Variants in SUSD4 observed in about 807,000 individuals in gnomAD.
SUSD4 encodes the protein sushi domain containing 4.
In SUSD4, 41 loss-of-function variants were observed where a neutral mutation model predicts 50.5. That is an observed-to-expected ratio of 0.81 (90% CI 0.63 to 1.05). The LOEUF (loss-of-function observed/expected upper bound fraction) is 1.05, where lower values mean the gene tolerates loss of function less well. Ranked by LOEUF, SUSD4 falls within the 50% of genes least tolerant of loss-of-function variation. The probability of loss-of-function intolerance (pLI) is 0.00; values close to 1 mark genes in which losing one functional copy is unlikely to be tolerated. For missense variants in SUSD4, 580 were observed against 634.7 expected (o/e 0.91, Z 0.93); for synonymous variants, 257 against 257.3 (o/e 1.00, Z 0.01).
intron 7 of SUSD4, 123 bp from the exon 8 acceptor site, chr1:223,223,754 A>C: frequency 1.7e-6 from 2 of 1,205,800 alleles, no homozygotes; most frequent in Non-Finnish European, 2.2e-6. Flanking sequence ...TCCCGTATGG[A>C]GGATAATATG....
chr1:223,363,640 GCACTGAGTAA>G (rs1452853844), intron 1 of SUSD4, 180 bp from the exon 2 acceptor site: 3 of 671,108 alleles, frequency 4.5e-6, no homozygotes, highest in Non-Finnish European at 7.1e-6. Context: ...CGAGCCGGGT[GCACTGAGTAA>G]CAGCCGCCGT....
rs113874231 is a variant in SUSD4, at chr1:223,301,326, A to C, written c.149-8675T>G. ...CAGGGATCCTGACTTGTCACTTAAA[A>C]CATCCCAGAATCCAGGCAGTCAGTT... On this transcript the variant is annotated intron_variant, in intron 2 of 8. Transcript: ENST00000366878. Among the ~76,000 whole-genome samples, 513 of 152,290 alleles carry C rather than the reference A, an allele frequency of 3.4e-3. 2 individuals carry two copies. Among genetic ancestry groups the C allele is most frequent in the African/African-American group, 0.011 (464 of 41,558 alleles).
intron 5 of SUSD4, among the ~76,000 whole-genome samples, chr1:223,247,691 A>C (rs1389128605): frequency 6.6e-6 from 1 of 152,142 alleles, no homozygotes; most frequent in Admixed American, 6.5e-5. Context: ...ATAATGAGTT[A>C]AGCCACTGGT....
intron 2 of SUSD4, among the ~76,000 whole-genome samples, chr1:223,336,403 C>A (rs1667458865): frequency 2.6e-5 from 4 of 152,096 alleles, no homozygotes; most frequent in Admixed American, 2.6e-4. Flanking sequence ...TTTTATAAAT[C>A]AAAAAATATC....
At chr1:223,336,048 G>C (rs1180726891) in intron 2 of SUSD4, among the ~76,000 whole-genome samples, 1 of 151,860 alleles carries the variant, frequency 6.6e-6, no homozygotes, top group African/African-American at 2.4e-5. Flanking sequence ...TAGACTTTTT[G>C]GCCCAGGAGT....
In SUSD4 at chr1:223,264,794, G is replaced by A. The variant is rs1404424736; in HGVS notation, c.560C>T (p.Ser187Phe). 2 of 1,614,160 alleles carry A rather than the reference G, an allele frequency of 1.2e-6. No homozygotes were observed. The highest frequency in any genetic ancestry group is 2.2e-5 in the South Asian group (2 of 91,066). ...CQGCLRPLAS[S>F]NGYVNISELQ... The stretch of plus-strand genomic sequence containing the variant: ...CTCAGAGATGTTTACATAGCCATTA[G>A]AAGAGGCTAGAGGTCTCAGGCAGCC... Residue 187 changes from serine to phenylalanine, a missense_variant, in exon 5 of 9, where the codon TCT becomes TTT. Coordinates refer to ENST00000366878, the MANE Select transcript of SUSD4 (RefSeq NM_017982.4).
Position 223,231,264 on chromosome 1 carries a change from A to G in SUSD4, c.725-1876T>C, listed in dbSNP as rs1447510391. On this transcript the variant is annotated intron_variant, in intron 5 of 8. Coordinates refer to ENST00000366878, the MANE Select transcript of SUSD4 (RefSeq NM_017982.4). The surrounding 1 kb of genome is among the most constrained non-coding windows in gnomAD (Gnocchi z 4.2). Reference sequence around the variant, plus strand: ...GACAAAGCCAGTGGGGAGCCAGGTGACAAGGGGGTCTGGGAAACAGGGTCT... The same window carrying G: ...GACAAAGCCAGTGGGGAGCCAGGTGGCAAGGGGGTCTGGGAAACAGGGTCT... 2.0e-5 allele frequency among the ~76,000 whole-genome samples: 3 copies of G among 152,096 alleles called. No individual in the cohort carries two copies. In the East Asian group the frequency reaches 5.8e-4, roughly 29 times the overall value.
chr1:223,267,769 A>G (rs1263471856), intron 4 of SUSD4, among the ~76,000 whole-genome samples: 1 of 151,968 alleles, frequency 6.6e-6, no homozygotes, highest in Admixed American at 6.6e-5. Flanking sequence ...GTGCTTTTGG[A>G]GCAAATGAGA....
intron 2 of SUSD4, among the ~76,000 whole-genome samples, chr1:223,313,153 T>C (rs910210125): frequency 6.6e-6 from 1 of 152,246 alleles, no homozygotes; most frequent in African/African-American, 2.4e-5. Flanking sequence ...TGACTCAGGA[T>C]GGGGGCTGGC....
intron 2 of SUSD4, among the ~76,000 whole-genome samples, chr1:223,306,297 A>C (rs1210443650): frequency 7.2e-5 from 11 of 152,154 alleles, no homozygotes; most frequent in African/African-American, 2.7e-4. Flanking sequence ...AACTTCACAA[A>C]ATTCTTCCAG....
At chr1:223,270,885 A>G (rs1036311491) in intron 3 of SUSD4, among the ~76,000 whole-genome samples, 5 of 152,164 alleles carry the variant, frequency 3.3e-5, no homozygotes, top group East Asian at 1.9e-4. Flanking sequence ...CTAACTGTTC[A>G]TGTTTAACAA....
intron 3 of SUSD4, among the ~76,000 whole-genome samples, chr1:223,282,807 G>A (rs1663842139): frequency 1.3e-5 from 2 of 152,166 alleles, no homozygotes; most frequent in African/African-American, 2.4e-5. Flanking sequence ...AAAGAACAAA[G>A]CTGGAGGCAT....
chr1:223,279,813 A>AC (rs1397017805), intron 3 of SUSD4, among the ~76,000 whole-genome samples: 1 of 152,028 alleles, frequency 6.6e-6, no homozygotes, highest in African/African-American at 2.4e-5. Flanking sequence ...GAAATGAAGG[A>AC]AAAAATGTTA....
At chr1:223,266,095 C>T (rs1237569532) in intron 4 of SUSD4, among the ~76,000 whole-genome samples, 7 of 152,158 alleles carry the variant, frequency 4.6e-5, no homozygotes, top group South Asian at 4.1e-4. Flanking sequence ...CACTCACTGT[C>T]GTGGTTGGGC....
intron 2 of SUSD4, among the ~76,000 whole-genome samples, chr1:223,296,025 T>G (rs958998832): frequency 2.7e-5 from 4 of 149,740 alleles, no homozygotes; most frequent in Admixed American, 2.0e-4. Context: ...GGCACCTTTA[T>G]CAAAGGACAG....
chr1:223,266,987 G>A (rs1301446701), intron 4 of SUSD4, among the ~76,000 whole-genome samples: 1 of 152,204 alleles, frequency 6.6e-6, no homozygotes, highest in Non-Finnish European at 1.5e-5. Flanking sequence ...CCCCCTCTGT[G>A]GGACAGAGGC....
intron 2 of SUSD4, among the ~76,000 whole-genome samples, chr1:223,350,549 C>T (rs1451655735): frequency 3.9e-5 from 6 of 152,176 alleles, no homozygotes; most frequent in African/African-American, 1.4e-4. Flanking sequence ...CTGCAGCTGT[C>T]GTTGCTGCCT....
intron 2 of SUSD4, among the ~76,000 whole-genome samples, chr1:223,322,886 T>C (rs1182124767): frequency 6.6e-6 from 1 of 152,212 alleles, no homozygotes; most frequent in Non-Finnish European, 1.5e-5. Context: ...CATTCCCTTA[T>C]AATCATGCTC....
At chr1:223,268,960 C>A (rs1484513779) in intron 3 of SUSD4, among the ~76,000 whole-genome samples, 2 of 152,162 alleles carry the variant, frequency 1.3e-5, no homozygotes, top group African/African-American at 4.8e-5. Context: ...TACAGCTGAT[C>A]TTATGAACAA....
Sources: allele counts gnomAD v4.1 joint callset (sites outside exome capture counted in the v4.1 genomes callset), GRCh38; gene constraint gnomAD v4.1.1; non-coding constraint Gnocchi (gnomAD v3.1); transcripts MANE v1.5; gene names NCBI Gene and HGNC (gene_info 2026-07-23, HGNC 2026-07-21).